Variants in PCDHGB4 observed in about 807,000 individuals in gnomAD.
PCDHGB4 encodes protocadherin gamma subfamily B, 4.
In PCDHGB4, 38 loss-of-function variants were observed where a neutral mutation model predicts 60.5. The observed-to-expected ratio is 0.63, with a 90% CI of 0.48 to 0.82. The LOEUF (loss-of-function observed/expected upper bound fraction) is 0.82. Among genes scored for constraint, PCDHGB4 ranks in the 40% least tolerant of loss-of-function variants. PCDHGB4 has a pLI of 0.00. For synonymous variants in PCDHGB4, 456 were observed against 509.7 expected, an observed-to-expected ratio of 0.89 and a Z score of 1.42; for missense variants, 1,109 against 1,209.6, an observed-to-expected ratio of 0.92 and a Z score of 1.23.
chr5:141,431,032 C>T lies in PCDHGB4; in HGVS notation c.2397+40751C>T. 1 of 1,614,008 alleles carries T rather than the reference C, an allele frequency of 6.2e-7. No individual in the cohort carries two copies. The highest frequency in any genetic ancestry group is 2.2e-5 in the East Asian group (1 of 44,848). On this transcript the variant is annotated intron_variant, in intron 1 of 3. Transcript: ENST00000519479. This position sits in a 1 kb window ranked among gnomAD's most constrained non-coding sequence, Gnocchi z 4.8. ...GCTTGGTCACGGCGGGCAGGATAGA[C>T]CGGGAGGAGCTCTGTATGGGGGCCA...
chr5:141,427,652 G>T, intron 1 of PCDHGB4: 1 of 721,166 alleles, frequency 1.4e-6, no homozygotes, highest in Non-Finnish European at 2.5e-6. Flanking sequence ...TCTCCTACGT[G>T]GTCCACGTGG....
In PCDHGB4 at chr5:141,434,333, G is replaced by A. The variant is rs200059384; in HGVS notation, c.2397+44052G>A. On this transcript the variant is annotated intron_variant, in intron 1 of 3. Coordinates refer to ENST00000519479, the MANE Select transcript of PCDHGB4 (RefSeq NM_003736.4). The stretch of plus-strand genomic sequence containing the variant: ...TCTTCCTCTTGCTGCTTGTCTCTTT[G>A]TGTCGGGAACAGGCCCCCCAAAATC... Among the ~76,000 whole-genome samples, 23 of 152,220 alleles carry A rather than the reference G, an allele frequency of 1.5e-4. No individual in the cohort carries two copies. In the East Asian group the frequency reaches 4.3e-3, roughly 28 times the overall value.
chr5:141,387,766 T>G lies in PCDHGB4; in HGVS notation c.-119T>G. 1 of 1,434,120 alleles carries G rather than the reference T, an allele frequency of 7.0e-7. No homozygotes were observed. The highest frequency in any genetic ancestry group is 9.3e-7 in the Non-Finnish European group (1 of 1,080,024). The allele number at this position is 1,434,120 out of a possible 1,614,324, so 88.8% of individuals were successfully genotyped here. On this transcript the variant is annotated 5_prime_UTR_variant, in exon 1 of 4. In the 5' UTR this introduces an upstream ATG that the reference lacks. Coordinates refer to ENST00000519479, the MANE Select transcript of PCDHGB4 (RefSeq NM_003736.4). ...GCTTCCTCCTCGGAAAAAGAAGAAT[T>G]TTTTCTTGAACTGGAACTGCAACTA... is the stretch of plus-strand genomic sequence containing the variant.
At chr5:141,459,303 T>C (rs1419156629) in intron 1 of PCDHGB4, among the ~76,000 whole-genome samples, 1 of 152,242 alleles carries the variant, frequency 6.6e-6, no homozygotes, top group Non-Finnish European at 1.5e-5. Context: ...CTATAACATA[T>C]ACTATTTTGT....
rs1243327893 is a variant in PCDHGB4, at chr5:141,491,671, C to G, written c.2398-3136C>G. 1 of 1,613,484 alleles carries G rather than the reference C, an allele frequency of 6.2e-7. No homozygotes were observed. Among genetic ancestry groups the G allele is most frequent in the Admixed American group, 1.7e-5 (1 of 60,034 alleles). On this transcript the variant is annotated intron_variant, in intron 1 of 3. Transcript: ENST00000519479. This position sits in a 1 kb window ranked among gnomAD's most constrained non-coding sequence, Gnocchi z 6.9. ...GCTGGAGCCTGACGCCATCCGGTCC[C>G]GCTCTAATACGCTGCGGGAGCGGAG...
At chr5:141,395,478 T>G in intron 1 of PCDHGB4, 1 of 546,140 alleles carries the variant, frequency 1.8e-6, no homozygotes, top group Non-Finnish European at 3.1e-6. Context: ...CAGTATTTTA[T>G]TCCTATTATC....
chr5:141,390,542 G>A, intron 1 of PCDHGB4: 1 of 511,902 alleles, frequency 2.0e-6, no homozygotes, highest in South Asian at 2.4e-5. Context: ...TAACCACAAA[G>A]TGAAAGTGTT....
chr5:141,505,371 C>T (rs2099845827), intron 2 of PCDHGB4, 22 bp from the exon 3 acceptor site: 4 of 1,613,980 alleles, frequency 2.5e-6, no homozygotes, highest in Non-Finnish European at 3.4e-6. Context: ...AGTCTGTGCT[C>T]ACCATCCTAC....
chr5:141,485,260 G>C lies in PCDHGB4; in HGVS notation c.2398-9547G>C. ...TTTACCACCTGGGTTACGTTTGTGG[G>C]CAGATCCGCTACCCGGTCCCAGAGG... is the stretch of plus-strand genomic sequence containing the variant. On this transcript the variant is annotated intron_variant, in intron 1 of 3. Transcript: ENST00000519479. The surrounding 1 kb of genome is among the most constrained non-coding windows in gnomAD (Gnocchi z 5.7). 1 of 1,614,122 alleles carries C rather than the reference G, an allele frequency of 6.2e-7. No homozygotes were observed. The highest frequency in any genetic ancestry group is 8.5e-7 in the Non-Finnish European group (1 of 1,179,966).
Position 141,487,367 on chromosome 5 carries a change from G to A in PCDHGB4, c.2398-7440G>A. 1 of 1,614,204 alleles carries A rather than the reference G, an allele frequency of 6.2e-7. No individual in the cohort carries two copies. The highest frequency in any genetic ancestry group is 8.5e-7 in the Non-Finnish European group (1 of 1,180,030). ...CACATGCTTTCCTGCTGGCACCTGT[G>A]CCTGTCTCACCAGATCTCGAAGGAG... On this transcript the variant is annotated intron_variant, in intron 1 of 3. Coordinates refer to ENST00000519479, the MANE Select transcript of PCDHGB4 (RefSeq NM_003736.4). This position sits in a 1 kb window ranked among gnomAD's most constrained non-coding sequence, Gnocchi z 5.0.
At chr5:141,417,710 TC>T (rs1471403767) in intron 1 of PCDHGB4, 1 of 1,249,228 alleles carries the variant, frequency 8.0e-7, no homozygotes, top group Non-Finnish European at 1.1e-6. Flanking sequence ...ACACAGAGGC[TC>T]CCGGCTGCGC....
At chr5:141,501,103 G>A (rs1449600108) in intron 2 of PCDHGB4, among the ~76,000 whole-genome samples, 9 of 152,078 alleles carry the variant, frequency 5.9e-5, no homozygotes, top group African/African-American at 1.4e-4. Context: ...TCTTGACCTC[G>A]TGATCCGCCT....
At position 141,401,132 on chromosome 5, in the gene PCDHGB4, A is replaced by G. The variant is rs534048041; in HGVS notation, c.2397+10851A>G. Among the ~76,000 whole-genome samples, 4 of 152,344 alleles carry G rather than the reference A, an allele frequency of 2.6e-5. No homozygotes were observed. In the South Asian group the frequency reaches 8.3e-4, roughly 32 times the overall value. ...GCCGAGGCGGTTGGATCACATGGTCAGGAGTTCAAGACCAGCCTGGGCAAT... is the reference window on the plus strand; with the variant it reads ...GCCGAGGCGGTTGGATCACATGGTCGGGAGTTCAAGACCAGCCTGGGCAAT... On this transcript the variant is annotated intron_variant, in intron 1 of 3. Coordinates refer to ENST00000519479, the MANE Select transcript of PCDHGB4 (RefSeq NM_003736.4).
intron 1 of PCDHGB4, chr5:141,395,544 G>GTTTGTT (rs70988801): frequency 1.5e-3 from 17 of 11,560 alleles, no homozygotes; most frequent in African/African-American, 4.5e-3. Flanking sequence ...GCTATTGTTT[G>GTTTGTT]TGTGTGTGTG....
chr5:141,510,813 C>G, intron 3 of PCDHGB4, 134 bp from the exon 4 acceptor site: 2 of 1,537,024 alleles, frequency 1.3e-6, no homozygotes, highest in Non-Finnish European at 1.8e-6. Context: ...CTTGGTGACC[C>G]CTATATTCCC....
At position 141,431,790 on chromosome 5, in the gene PCDHGB4, C is replaced by G; in HGVS notation, c.2397+41509C>G. ...ACTGTTCTGGACGTGAACGACAATG[C>G]CCCAGAAGTGGTCCTCACCTCTCTC... On this transcript the variant is annotated intron_variant, in intron 1 of 3. Coordinates refer to ENST00000519479, the MANE Select transcript of PCDHGB4 (RefSeq NM_003736.4). The surrounding 1 kb of genome is among the most constrained non-coding windows in gnomAD (Gnocchi z 4.8). 1 of 1,614,186 alleles carries G rather than the reference C, an allele frequency of 6.2e-7. No homozygotes were observed. Among genetic ancestry groups the G allele is most frequent in the Non-Finnish European group, 8.5e-7 (1 of 1,180,016 alleles).
intron 1 of PCDHGB4, among the ~76,000 whole-genome samples, chr5:141,472,242 A>T (rs1342571385): frequency 6.6e-6 from 1 of 152,186 alleles, no homozygotes; most frequent in East Asian, 1.9e-4. Flanking sequence ...TTCACTTTCT[A>T]TTTTAAAGTT....
At chr5:141,401,656 T>G (rs1400500695) in intron 1 of PCDHGB4, among the ~76,000 whole-genome samples, 1 of 152,248 alleles carries the variant, frequency 6.6e-6, no homozygotes, top group East Asian at 1.9e-4. Context: ...AATGACTGGA[T>G]GTTTTCTCAA....
intron 1 of PCDHGB4, among the ~76,000 whole-genome samples, chr5:141,444,977 T>A (rs2098452876): frequency 1.3e-5 from 2 of 152,200 alleles, no homozygotes; most frequent in South Asian, 4.1e-4. Flanking sequence ...TTCAAATCCA[T>A]GAACATGGTA....
Sources: allele counts gnomAD v4.1 joint callset (sites outside exome capture counted in the v4.1 genomes callset), GRCh38; gene constraint gnomAD v4.1.1; non-coding constraint Gnocchi (gnomAD v3.1); transcripts MANE v1.5; gene names NCBI Gene and HGNC (gene_info 2026-07-23, HGNC 2026-07-21).